Variants in PAGE3 observed in about 807,000 individuals in gnomAD.
PAGE3 encodes PAGE family member 3, also known as P antigen family member 3.
In PAGE3, 9 loss-of-function variants were observed where a neutral mutation model predicts 3.8. The ratio of observed to expected loss-of-function variants is 2.36; its 90% CI spans 1.42 to 4.12. The LOEUF is 4.12. Ranked by LOEUF, PAGE3 falls within the 30% of genes most tolerant of loss-of-function variation. The pLI is 0.00. For missense variants in PAGE3, 73 were observed against 37.8 expected (o/e 1.93, Z -2.44); for synonymous variants, 24 against 13.1 (o/e 1.83, Z -1.79).
At chrX:55,262,368 A>G (rs1938302379) in intron 3 of PAGE3, among the ~76,000 whole-genome samples, 2 of 111,439 alleles carry the variant, frequency 1.8e-5, no homozygotes, top group African/African-American at 6.5e-5. Context: ...CTTTCCATAC[A>G]CAAATTTCAA....
intron 1 of PAGE3, 159 bp from the exon 2 acceptor site, chrX:55,264,070 A>G (rs373552165): frequency 7.4e-5 from 28 of 377,657 alleles, no homozygotes; most frequent in African/African-American, 6.7e-4. Context: ...TTAGCCAAAT[A>G]TGGCTGCTTG....
chrX:55,263,140 T>C, intron 3 of PAGE3, 111 bp downstream of exon 3: 1 of 425,224 alleles, frequency 2.4e-6, no homozygotes, highest in South Asian at 4.1e-5. Context: ...TCAGGAAATG[T>C]TTGAGATCTC....
chrX:55,258,429 T>C lies in PAGE3; in HGVS notation c.*77A>G. ...CACAAGACTTCTTTGCAGACAATTG[T>C]GAAACTTTATTGAGAGAATTTTACT... On this transcript the variant is annotated 3_prime_UTR_variant, in exon 5 of 5. Coordinates refer to ENST00000374951, the MANE Select transcript of PAGE3 (RefSeq NM_001017931.3). 5.5e-6 allele frequency: 3 copies of C among 548,087 alleles called. No individual in the cohort carries two copies. Among genetic ancestry groups the C allele is most frequent in the Non-Finnish European group, 1.0e-5 (3 of 299,795 alleles). The allele number at this position is 548,087 out of a possible 1,213,427, so 45.2% of individuals were successfully genotyped here. A position where few individuals can be genotyped will look rare whatever the true frequency, so the allele number is the denominator to read the frequency against.
intron 1 of PAGE3, among the ~76,000 whole-genome samples, chrX:55,264,330 G>A (rs1023112407): frequency 1.5e-4 from 17 of 110,779 alleles, no homozygotes; most frequent in African/African-American, 5.3e-4. Context: ...TGTCAGTGGC[G>A]GAGGTGTGAA....
In PAGE3 at chrX:55,264,581, C is replaced by A. The variant is rs1372683091; in HGVS notation, c.-44G>T. 3 of 111,946 alleles carry A rather than the reference C, an allele frequency of 2.7e-5. No individual in the cohort carries two copies. Among genetic ancestry groups the A allele is most frequent in the African/African-American group, 9.8e-5 (3 of 30,721 alleles). 9.2% of individuals were successfully genotyped at this position (111,946 alleles called of 1,213,427 possible). On this transcript the variant is annotated 5_prime_UTR_variant, in exon 1 of 5. Transcript: ENST00000374951. ...ACGCCCAGCACTCGCCCCATCTTCA[C>A]GTGATTCCTCCCCTCTACGGTCCAC...
Position 55,263,244 on chromosome X carries a change from G to A in PAGE3, c.193+7C>T, listed in dbSNP as rs919999624. ...TTCATAGGCATTCTTCCTCTCCCACGCTTCACCTTGGAAGTCCAGTGCTCC... is the reference window on the plus strand; with the variant it reads ...TTCATAGGCATTCTTCCTCTCCCACACTTCACCTTGGAAGTCCAGTGCTCC... On this transcript the variant is annotated splice_region_variant and intron_variant, in intron 3 of 4. Coordinates refer to ENST00000374951, the MANE Select transcript of PAGE3 (RefSeq NM_001017931.3). 5.9e-5 allele frequency: 33 copies of A among 561,801 alleles called. No individual in the cohort carries two copies. Among genetic ancestry groups the A allele is most frequent in the Non-Finnish European group, 8.8e-5 (27 of 306,278 alleles). 46.3% of individuals were successfully genotyped at this position (561,801 alleles called of 1,213,427 possible).
At chrX:55,263,450 T>A in intron 2 of PAGE3, 91 bp from the exon 3 acceptor site, 1 of 445,467 alleles carries the variant, frequency 2.2e-6, no homozygotes, top group Admixed American at 3.9e-5. Context: ...AAATATATCT[T>A]ACCATAAATA....
intron 3 of PAGE3, 38 bp downstream of exon 3, chrX:55,263,213 C>A: frequency 1.8e-6 from 1 of 552,665 alleles, no homozygotes; most frequent in Non-Finnish European, 3.3e-6. Context: ...ACATACACCC[C>A]CTCCATTCAT....
In PAGE3 at chrX:55,263,271, T is replaced by C. The variant is rs1313962750; in HGVS notation, c.173A>G (p.Glu58Gly). The C allele has an allele frequency of 1.8e-6, 1 of 567,038 alleles. No homozygotes were observed. Among genetic ancestry groups the C allele is most frequent in the African/African-American group, 2.2e-5 (1 of 44,471 alleles). The allele number at this position is 567,038 out of a possible 1,213,427, so 46.7% of individuals were successfully genotyped here. A position where few individuals can be genotyped will look rare whatever the true frequency, so the allele number is the denominator to read the frequency against. Residue 58 changes from glutamate (E) to glycine (G), a missense_variant, in exon 3 of 5, where the codon GAG (glutamate) becomes GGG (glycine). Physicochemically the swap from Glu to Gly is moderately conservative, Grantham distance 98. Coordinates refer to ENST00000374951, the MANE Select transcript of PAGE3 (RefSeq NM_001017931.3). Reference protein sequence around the residue: ...QDYTPGQERDEGALDFQVLGL... With the variant: ...QDYTPGQERDGGALDFQVLGL... Reference sequence around the variant, plus strand: ...TTCACCTTGGAAGTCCAGTGCTCCCTCGTCTCTCTCTTGACCAGGTGTATA... The same window carrying C: ...TTCACCTTGGAAGTCCAGTGCTCCCCCGTCTCTCTCTTGACCAGGTGTATA...
At position 55,262,703 on chromosome X, in the gene PAGE3, GATATATATATAT is replaced by G. The variant is rs10534339; in HGVS notation, c.193+536_193+547del. 6.4e-3 allele frequency among the ~76,000 whole-genome samples: 578 copies of G among 91,020 alleles called. 3 individuals are homozygous for G. The highest frequency in any genetic ancestry group is 0.01 in the Non-Finnish European group (496 of 47,774). The allele number at this position is 91,020 out of a possible 115,157, so 79.0% of individuals were successfully genotyped here. On this transcript the variant is annotated intron_variant, in intron 3 of 4. Transcript: ENST00000374951. ...TCATTTAATCCAAGGTGTTACATATGATATATATATATATATATATATATATATATGTAATAT... is the reference window on the plus strand; with the variant it reads ...TCATTTAATCCAAGGTGTTACATATGATATATATATATATATATGTAATAT...
intron 3 of PAGE3, among the ~76,000 whole-genome samples, chrX:55,262,803 A>G (rs775352734): frequency 8.9e-4 from 93 of 104,705 alleles, no homozygotes; most frequent in Non-Finnish European, 1.6e-3. Context: ...CAAAGTGTGA[A>G]TTAGTGTGGA....
At chrX:55,262,927 T>G (rs1225315757) in intron 3 of PAGE3, among the ~76,000 whole-genome samples, 2 of 108,549 alleles carry the variant, frequency 1.8e-5, no homozygotes, top group African/African-American at 6.7e-5. Context: ...ATATAATTAC[T>G]AAGAAGGACA....
chrX:55,261,739 C>G (rs1255169404), intron 3 of PAGE3, among the ~76,000 whole-genome samples: 1 of 111,016 alleles, frequency 9.0e-6, no homozygotes, highest in African/African-American at 3.3e-5. Flanking sequence ...ATGTGCCGTC[C>G]TTATATTTTA....
chrX:55,263,430 C>A, intron 2 of PAGE3, 71 bp from the exon 3 acceptor site: 2 of 468,397 alleles, frequency 4.3e-6, no homozygotes, highest in South Asian at 3.6e-5. Context: ...TATACATATA[C>A]TCAATATACA....
chrX:55,264,039 A>C (rs891841495), intron 1 of PAGE3, 128 bp from the exon 2 acceptor site: 1 of 391,746 alleles, frequency 2.6e-6, no homozygotes, highest in Non-Finnish European at 4.4e-6. Context: ...TGTTTTCAAA[A>C]ATTTTTAGGT....
chrX:55,263,410 A>T (rs1462318835), intron 2 of PAGE3, 51 bp from the exon 3 acceptor site: 5 of 520,681 alleles, frequency 9.6e-6, no homozygotes, highest in Non-Finnish European at 1.8e-5. Context: ...TTAATAATGC[A>T]TGTCAATAAT....
chrX:55,261,273 A>G (rs1938284007), intron 3 of PAGE3, among the ~76,000 whole-genome samples: 2 of 111,480 alleles, frequency 1.8e-5, no homozygotes, highest in South Asian at 7.5e-4. Flanking sequence ...AATTATTAGG[A>G]CAACTGGGGA....
Position 55,263,288 on chromosome X carries a change from A to G in PAGE3, c.156T>C (p.Pro52=), listed in dbSNP as rs1431593706. 2 of 567,782 alleles carry G rather than the reference A, an allele frequency of 3.5e-6. No homozygotes were observed. The highest frequency in any genetic ancestry group is 2.2e-5 in the South Asian group (1 of 44,580). The allele number at this position is 567,782 out of a possible 1,213,427, so 46.8% of individuals were successfully genotyped here. ...GTGCTCCCTCGTCTCTCTCTTGACC[A>G]GGTGTATAATCCTGACTTTCAATTG... ...EPPIESQDYT[P]GQERDEGALD... Residue 52 remains proline (P), a synonymous_variant, in exon 3 of 5, where the codon CCT becomes CCC. Transcript: ENST00000374951.
intron 1 of PAGE3, 85 bp from the exon 2 acceptor site, chrX:55,263,996 A>C: frequency 2.2e-6 from 1 of 456,925 alleles, no homozygotes; most frequent in Non-Finnish European, 3.9e-6. Context: ...AAAGCATGCA[A>C]GCTCACGATT....
Sources: gnomAD v4.1 joint callset for allele counts (sites outside exome capture counted in the v4.1 genomes callset) on GRCh38, gnomAD v4.1.1 for gene constraint, MANE v1.5 for transcripts, NCBI Gene and HGNC (gene_info 2026-07-23, HGNC 2026-07-21) for gene names.